The following CPLX2 variants were observed in gnomAD, a reference collection of about 807,000 sequenced individuals.
The protein encoded by CPLX2 is complexin 2.
A neutral mutation model predicts 16.3 loss-of-function variants in CPLX2; 5 were observed. The observed-to-expected ratio is 0.31, with a 90% confidence interval of 0.16 to 0.64. The LOEUF (loss-of-function observed/expected upper bound fraction) is 0.64. CPLX2 is among the 30% of genes least tolerant of loss of function. The pLI is 0.79. For synonymous variants in CPLX2, 89 were observed against 73.2 expected (o/e 1.22, Z -1.10); for missense variants, 144 against 181.4 (o/e 0.79, Z 1.18).
chr5:175,796,806 T>C (rs1757985345), intron 1 of CPLX2: 2 of 152,198 alleles, frequency 1.3e-5, no homozygotes, highest in African/African-American at 4.8e-5. Flanking sequence ...GCGCGCTCGC[T>C]CCCTGTGGCT....
chr5:175,820,928 C>T (rs1197277266), intron 2 of CPLX2, among the ~76,000 whole-genome samples: 1 of 152,178 alleles, frequency 6.6e-6, no homozygotes, highest in Non-Finnish European at 1.5e-5. Context: ...GTCGGCCGCT[C>T]GGTCCCAGAG....
At chr5:175,816,178 T>C (rs1025502271) in intron 2 of CPLX2, among the ~76,000 whole-genome samples, 7 of 152,048 alleles carry the variant, frequency 4.6e-5, no homozygotes, top group Non-Finnish European at 1.0e-4. Flanking sequence ...GTCACTCTTT[T>C]TTTTTTTTGA....
At chr5:175,865,780 T>C (rs2113695364) in intron 2 of CPLX2, among the ~76,000 whole-genome samples, 1 of 152,302 alleles carries the variant, frequency 6.6e-6, no homozygotes, top group Non-Finnish European at 1.5e-5. Flanking sequence ...CCTGCGGAGC[T>C]GGGCAAAAGA....
chr5:175,813,808 T>C (rs1758356699), intron 2 of CPLX2, among the ~76,000 whole-genome samples: 2 of 152,246 alleles, frequency 1.3e-5, no homozygotes, highest in Admixed American at 1.3e-4. Flanking sequence ...AGAGTCTCAA[T>C]TGAAGGTTAG....
intron 1 of CPLX2, among the ~76,000 whole-genome samples, chr5:175,874,592 G>A (rs895841661): frequency 2.0e-5 from 3 of 152,156 alleles, no homozygotes; most frequent in Non-Finnish European, 4.4e-5. Flanking sequence ...ATTGGGACAA[G>A]GCATACTAGA....
At chr5:175,842,148 A>G (rs948138336) in intron 2 of CPLX2, among the ~76,000 whole-genome samples, 2 of 152,186 alleles carry the variant, frequency 1.3e-5, no homozygotes, top group African/African-American at 4.8e-5. Context: ...CCAGAGGAGG[A>G]GACAGCAAAG....
At chr5:175,799,552 A>G (rs397842484) in intron 1 of CPLX2, among the ~76,000 whole-genome samples, 1 of 133,362 alleles carries the variant, frequency 7.5e-6, no homozygotes, top group South Asian at 2.3e-4. Flanking sequence ...ATATATATAT[A>G]TATATATATA....
At chr5:175,857,602 A>G (rs1183576431) in intron 2 of CPLX2, among the ~76,000 whole-genome samples, 1 of 152,240 alleles carries the variant, frequency 6.6e-6, no homozygotes, top group African/African-American at 2.4e-5. Flanking sequence ...AGCGTTGGAT[A>G]TATCATGTAA....
At chr5:175,879,124 G>T in intron 3 of CPLX2, 41 bp downstream of exon 3, 1 of 1,537,418 alleles carries the variant, frequency 6.5e-7, no homozygotes, top group Non-Finnish European at 8.8e-7. Context: ...AGGGCCACAA[G>T]CGGGTAAAAC....
intron 2 of CPLX2, among the ~76,000 whole-genome samples, chr5:175,811,687 C>T (rs562480186): frequency 6.6e-6 from 1 of 151,748 alleles, no homozygotes; most frequent in East Asian, 2.0e-4. Flanking sequence ...GGTCTCATAG[C>T]ACAGGGGAGA....
chr5:175,820,281 C>T (rs775796714), intron 2 of CPLX2, among the ~76,000 whole-genome samples: 6 of 152,304 alleles, frequency 3.9e-5, no homozygotes, highest in Middle Eastern at 3.4e-3. Context: ...GGGCGCCTGG[C>T]GTCATGAGCC....
In CPLX2 at chr5:175,845,876, G is replaced by C. The variant is rs1759034098; in HGVS notation, c.-88-32776G>C. ...CTTTGAGGGAAACCCAGGATGGGTG[G>C]GCCTGGGTCCCAGGAAAGGGGAGTC... On this transcript the variant is annotated intron_variant, in intron 2 of 4. Transcript: ENST00000359546. The surrounding 1 kb of genome is among the most constrained non-coding windows in gnomAD (Gnocchi z 4.0). Among the ~76,000 whole-genome samples, 1 of 152,120 alleles carries C rather than the reference G, an allele frequency of 6.6e-6. No homozygotes were observed. Among genetic ancestry groups the C allele is most frequent in the South Asian group, 2.1e-4 (1 of 4,828 alleles).
intron 2 of CPLX2, among the ~76,000 whole-genome samples, chr5:175,814,188 G>A (rs1758363654): frequency 6.6e-6 from 1 of 152,238 alleles, no homozygotes; most frequent in Admixed American, 6.5e-5. Flanking sequence ...GGGCCCAGAG[G>A]CAGGAATGTC....
chr5:175,862,656 G>A lies in CPLX2; in HGVS notation c.-88-15996G>A, dbSNP rs571484085. ...ACTTTATACTGAAGGCAATGGGAAG[G>A]CATTAAAGGATTTGTATTAGTTAGG... On this transcript the variant is annotated intron_variant, in intron 2 of 4. Transcript: ENST00000359546. Among the ~76,000 whole-genome samples, 3 of 152,360 alleles carry A rather than the reference G, an allele frequency of 2.0e-5. No homozygotes were observed. In the South Asian group the frequency reaches 6.2e-4, roughly 32 times the overall value.
chr5:175,853,108 A>G (rs879483), intron 2 of CPLX2, among the ~76,000 whole-genome samples: 76,914 of 152,154 alleles, frequency 0.51, 19,660 homozygotes, highest in Admixed American at 0.52. Flanking sequence ...TCTGTTAATA[A>G]CAAGTGATAC....
At chr5:175,815,187 C>T (rs1477153486) in intron 2 of CPLX2, among the ~76,000 whole-genome samples, 1 of 152,220 alleles carries the variant, frequency 6.6e-6, no homozygotes, top group Non-Finnish European at 1.5e-5. Flanking sequence ...GAGCAGTGGT[C>T]TGCTGTACCT....
chr5:175,810,892 T>C (rs1435482570), intron 2 of CPLX2, among the ~76,000 whole-genome samples: 1 of 152,228 alleles, frequency 6.6e-6, no homozygotes, highest in Admixed American at 6.5e-5. Context: ...TAATCCACTC[T>C]TTCCCTCCAT....
At chr5:175,862,790 T>C (rs1025595884) in intron 2 of CPLX2, among the ~76,000 whole-genome samples, 3 of 152,220 alleles carry the variant, frequency 2.0e-5, no homozygotes, top group Non-Finnish European at 2.9e-5. Flanking sequence ...GTGCCCTCAA[T>C]TGATCTCTGG....
At chr5:175,878,376 T>C (rs995425869) in intron 1 of CPLX2, 1 of 298,468 alleles carries the variant, frequency 3.4e-6, no homozygotes, top group Non-Finnish European at 6.2e-6. Context: ...CTCTTTCCAA[T>C]GCTCCTGGCT....
Sources: allele counts gnomAD v4.1 joint callset (sites outside exome capture counted in the v4.1 genomes callset), GRCh38; gene constraint gnomAD v4.1.1; non-coding constraint Gnocchi (gnomAD v3.1); transcripts MANE v1.5; gene names NCBI Gene and HGNC (gene_info 2026-07-23, HGNC 2026-07-21).